The following BCAS3 variants were observed in gnomAD, a reference collection of about 807,000 sequenced individuals.
The protein encoded by BCAS3 is BCAS3 microtubule associated cell migration factor.
BCAS3 carries 53 observed loss-of-function variants against 116.1 expected under a neutral mutation model. That is an observed-to-expected ratio of 0.46 (90% confidence interval 0.37 to 0.57). The LOEUF (loss-of-function observed/expected upper bound fraction) is 0.57. Ranked by LOEUF, BCAS3 falls within the 20% of genes least tolerant of loss-of-function variation. The probability of loss-of-function intolerance (pLI) is 0.00; values close to 1 mark genes in which losing one functional copy is unlikely to be tolerated. For synonymous variants in BCAS3, 391 were observed against 408.2 expected (o/e 0.96, Z 0.51); for missense variants, 917 against 1,165.4 (o/e 0.79, Z 3.10).
chr17:61,220,823 G>A lies in BCAS3; in HGVS notation c.2425+136259G>A, dbSNP rs1236704544. 1.3e-5 allele frequency among the ~76,000 whole-genome samples: 2 copies of A among 150,730 alleles called. No individual in the cohort carries two copies. Among genetic ancestry groups the A allele is most frequent in the South Asian group, 2.1e-4 (1 of 4,724 alleles). ...TCCACCTAGAAAGTGTAGTTCGGCT[G>A]GGCGCGGTGGCTCACGCCTGTAATC... On this transcript the variant is annotated intron_variant, in intron 22 of 23. Coordinates refer to ENST00000407086, the MANE Select transcript of BCAS3 (RefSeq NM_017679.5). The surrounding 1 kb of genome is among the most constrained non-coding windows in gnomAD (Gnocchi z 4.5).
Position 61,104,026 on chromosome 17 carries a change from C to T in BCAS3, c.2425+19462C>T, listed in dbSNP as rs1454267272. Reference sequence around the variant, plus strand: ...AGCTCTTGTTGACCCATCTTTAAACCAAAGCTTTATAGCCTATTAGAAGCA... The same window carrying T: ...AGCTCTTGTTGACCCATCTTTAAACTAAAGCTTTATAGCCTATTAGAAGCA... On this transcript the variant is annotated intron_variant, in intron 22 of 23. Transcript: ENST00000407086. This position sits in a 1 kb window ranked among gnomAD's most constrained non-coding sequence, Gnocchi z 4.1. 6.6e-6 allele frequency among the ~76,000 whole-genome samples: 1 copy of T among 152,114 alleles called. No homozygotes were observed. The highest frequency in any genetic ancestry group is 2.4e-5 in the African/African-American group (1 of 41,410).
chr17:61,050,095 G>GC, intron 19 of BCAS3, among the ~76,000 whole-genome samples: 1 of 151,872 alleles, frequency 6.6e-6, no homozygotes, highest in African/African-American at 2.4e-5. Flanking sequence ...TTCTGCCTTT[G>GC]CCCCCTAAAT....
chr17:60,688,040 A>G (rs974041511), intron 3 of BCAS3: 4 of 152,210 alleles, frequency 2.6e-5, no homozygotes, highest in Non-Finnish European at 5.9e-5. Context: ...TCGCAAAGGA[A>G]TAAGTCTGCT....
intron 20 of BCAS3, among the ~76,000 whole-genome samples, chr17:61,075,919 T>G (rs1000058311): frequency 6.6e-6 from 1 of 152,032 alleles, no homozygotes; most frequent in East Asian, 1.9e-4. Context: ...GCTAATTTGT[T>G]TTTTTTGTTT....
chr17:60,727,264 C>A, intron 5 of BCAS3: 2 of 1,059,338 alleles, frequency 1.9e-6, no homozygotes, highest in Admixed American at 1.7e-5. Context: ...TGCAGTTAGG[C>A]TCAACACATT....
At chr17:60,679,988 A>G (rs1449123045) in intron 2 of BCAS3, among the ~76,000 whole-genome samples, 2 of 151,950 alleles carry the variant, frequency 1.3e-5, no homozygotes, top group African/African-American at 2.4e-5. Flanking sequence ...AATACAAAAA[A>G]TTAGCCGGGT....
intron 7 of BCAS3, among the ~76,000 whole-genome samples, chr17:60,816,735 C>CT (rs1447573224): frequency 3.9e-5 from 6 of 152,098 alleles, no homozygotes; most frequent in Non-Finnish European, 7.4e-5. Context: ...GGGCCACATA[C>CT]ACAGTTTGGG....
intron 22 of BCAS3, among the ~76,000 whole-genome samples, chr17:61,329,168 T>C (rs2143084129): frequency 6.6e-6 from 1 of 151,650 alleles, no homozygotes; most frequent in East Asian, 2.0e-4. Flanking sequence ...AGTGCTGGGA[T>C]TACAGGCGCC....
At chr17:61,016,007 T>G in intron 16 of BCAS3, 106 bp downstream of exon 16, 3 of 1,232,644 alleles carry the variant, frequency 2.4e-6, no homozygotes, top group South Asian at 1.5e-5. Flanking sequence ...GTTCTTCATT[T>G]CCAGCTCAAA....
intron 19 of BCAS3, among the ~76,000 whole-genome samples, chr17:61,043,145 G>A (rs923917106): frequency 7.3e-5 from 11 of 151,474 alleles, no homozygotes; most frequent in East Asian, 2.0e-4. Context: ...TAGGCAGATC[G>A]TCTGAGCTCA....
At chr17:60,689,791 G>C in intron 4 of BCAS3, 30 bp downstream of exon 4, 1 of 1,471,554 alleles carries the variant, frequency 6.8e-7, no homozygotes, top group Non-Finnish European at 9.5e-7. Flanking sequence ...TGGGACGTGT[G>C]AATTAATTGT....
chr17:61,315,949 C>A lies in BCAS3; in HGVS notation c.2426-52378C>A, dbSNP rs1380965213. Among the ~76,000 whole-genome samples, 4 of 152,196 alleles carry A rather than the reference C, an allele frequency of 2.6e-5. No individual in the cohort carries two copies. Among genetic ancestry groups the A allele is most frequent in the African/African-American group, 9.7e-5 (4 of 41,444 alleles). ...CCTACTTCTCTATCTCACTGAACCT[C>A]TTTAGGACCAGGATTTTCCCTTTTC... is the stretch of plus-strand genomic sequence containing the variant. On this transcript the variant is annotated intron_variant, in intron 22 of 23. Coordinates refer to ENST00000407086, the MANE Select transcript of BCAS3 (RefSeq NM_017679.5). This position sits in a 1 kb window ranked among gnomAD's most constrained non-coding sequence, Gnocchi z 5.3.
At chr17:61,119,829 A>G (rs1322453379) in intron 22 of BCAS3, among the ~76,000 whole-genome samples, 1 of 152,088 alleles carries the variant, frequency 6.6e-6, no homozygotes, top group Non-Finnish European at 1.5e-5. Flanking sequence ...CATTCATACT[A>G]TTTCTATAAA....
chr17:60,818,703 A>C (rs868833156), intron 7 of BCAS3, among the ~76,000 whole-genome samples: 1 of 152,106 alleles, frequency 6.6e-6, no homozygotes, highest in Non-Finnish European at 1.5e-5. Context: ...CCAGACACCA[A>C]GTCTTTCATT....
At chr17:60,686,887 T>C (rs1174152080) in intron 3 of BCAS3, among the ~76,000 whole-genome samples, 1 of 152,200 alleles carries the variant, frequency 6.6e-6, no homozygotes. Flanking sequence ...CTTTTCAGTA[T>C]ATATGAAATT....
intron 22 of BCAS3, among the ~76,000 whole-genome samples, chr17:61,303,300 T>C (rs1341491095): frequency 6.6e-6 from 1 of 152,178 alleles, no homozygotes; most frequent in African/African-American, 2.4e-5. Flanking sequence ...CCCTCATCTA[T>C]GAGCGTGGGG....
intron 7 of BCAS3, among the ~76,000 whole-genome samples, chr17:60,867,971 A>T (rs1261866140): frequency 6.7e-6 from 1 of 150,304 alleles, no homozygotes; most frequent in African/African-American, 2.4e-5. Flanking sequence ...TTTGAAGTTT[A>T]TTAGATTCTT....
chr17:61,100,644 A>G (rs534829101), intron 22 of BCAS3, among the ~76,000 whole-genome samples: 2 of 152,284 alleles, frequency 1.3e-5, no homozygotes, highest in African/African-American at 4.8e-5. Context: ...GACACATAAT[A>G]GGCACTCAGC....
At chr17:60,899,848 C>G (rs1185650657) in intron 10 of BCAS3, 1 of 151,964 alleles carries the variant, frequency 6.6e-6, no homozygotes, top group Admixed American at 6.6e-5. Flanking sequence ...GGCCCCAGAG[C>G]AGCATGCCAT....
Sources: gnomAD v4.1 joint callset for allele counts (sites outside exome capture counted in the v4.1 genomes callset) on GRCh38, gnomAD v4.1.1 for gene constraint, Gnocchi (gnomAD v3.1) non-coding constraint, MANE v1.5 for transcripts, NCBI Gene and HGNC (gene_info 2026-07-23, HGNC 2026-07-21) for gene names.